The following POLD2 variants were observed in gnomAD, a reference collection of about 807,000 sequenced individuals.
POLD2 encodes DNA polymerase delta subunit 2.
A neutral mutation model predicts 48.8 loss-of-function variants in POLD2; 31 were observed. The ratio of observed to expected loss-of-function variants is 0.64; its 90% confidence interval spans 0.48 to 0.86. POLD2 has a LOEUF of 0.86. Among genes scored for constraint, POLD2 ranks in the 40% least tolerant of loss-of-function variants. The probability of loss-of-function intolerance (pLI) is 0.00; values close to 1 mark genes in which losing one functional copy is unlikely to be tolerated. For synonymous variants in POLD2, 233 were observed against 256.3 expected, an observed-to-expected ratio of 0.91 and a Z score of 0.87; for missense variants, 455 against 610.1, an observed-to-expected ratio of 0.75 and a Z score of 2.68.
rs889223832 is a variant in POLD2, at chr7:44,122,338, G to T, written c.-56-229C>A. 19 of 1,323,784 alleles carry T rather than the reference G, an allele frequency of 1.4e-5. No individual in the cohort carries two copies. The African/African-American group carries it at 2.8e-4, about 20-fold the overall frequency. The allele number at this position is 1,323,784 out of a possible 1,614,324, so 82.0% of individuals were successfully genotyped here. ...AAGCTAGGAGTGTTTGTCCCATCTG[G>T]AGTTCTTCCCGAACCCTAGACTCAG... On this transcript the variant is annotated intron_variant, in intron 1 of 10. Coordinates refer to ENST00000610533, the MANE Select transcript of POLD2 (RefSeq NM_006230.4).
In POLD2 at chr7:44,117,727, G is replaced by A; in HGVS notation, c.358C>T (p.Gln120Ter). ...EVSEEHNLLP[Q>*]PPRSKYIHPD... ...TGTATGTATTTACTCCGAGGAGGCTGGGGGAGCAGGTTGTGCTGGAATGCA... is the reference window on the plus strand; with the variant it reads ...TGTATGTATTTACTCCGAGGAGGCTAGGGGAGCAGGTTGTGCTGGAATGCA... Residue 120 changes from glutamine to a stop codon, truncating the protein, a stop_gained, in exon 4 of 11, where the codon CAG becomes TAG. Transcript: ENST00000610533. LOFTEE classifies it high-confidence loss of function. The A allele has an allele frequency of 1.2e-6, 2 of 1,613,666 alleles. No homozygotes were observed. Among genetic ancestry groups the A allele is most frequent in the South Asian group, 1.1e-5 (1 of 90,934 alleles).
Position 44,116,198 on chromosome 7 carries a change from G to C in POLD2, c.936C>G (p.His312Gln), listed in dbSNP as rs748742926. The part of the protein sequence containing the change: ...TNYTLPQQPL[H>Q]PCMFPLATAY... ...CAGTGGCCAGCGGGAACATGCAGGG[G>C]TGGAGGGGCTGCTGGGGGAGCGTGT... is the stretch of plus-strand genomic sequence containing the variant. Residue 312 changes from histidine to glutamine, a missense_variant, in exon 8 of 11, where the codon CAC (histidine) becomes CAG (glutamine). By Grantham distance (24) the His-to-Gln change is conservative. Transcript: ENST00000610533. This position sits in a 1 kb window ranked among gnomAD's most constrained non-coding sequence, Gnocchi z 6.1. The C allele has an allele frequency of 6.2e-7, 1 of 1,614,014 alleles. No individual in the cohort carries two copies. The highest frequency in any genetic ancestry group is 1.7e-5 in the Admixed American group (1 of 60,024).
chr7:44,123,414 A>C, intron 1 of POLD2, 97 bp downstream of exon 1: 1 of 1,456,632 alleles, frequency 6.9e-7, no homozygotes. Flanking sequence ...CAGCTGCGGG[A>C]CGTCCGCCAA....
Position 44,114,849 on chromosome 7 carries a change from G to A in POLD2, c.1346C>T (p.Pro449Leu). The A allele has an allele frequency of 1.9e-6, 3 of 1,614,016 alleles. No individual in the cohort carries two copies. The highest frequency in any genetic ancestry group is 2.5e-6 in the Non-Finnish European group (3 of 1,179,906). ...TGCCCCGAAGCCCGAGAAGCTGATG[G>A]GCTGGCAGGCCAGGCTGCGCAGGTT... ...LVNLRSLACQ[P>L]ISFSGFGAED... is the part of the protein sequence containing the mutation. Residue 449 changes from proline (P) to leucine (L), a missense_variant, in exon 11 of 11, where the codon CCC becomes CTC. Physicochemically the swap from Pro to Leu is moderately conservative, Grantham distance 98 (BLOSUM62 -3). This residue lies in a region of POLD2 where 98 missense variants were observed against 138.6 expected (regional missense o/e 0.71). Transcript: ENST00000610533.
chr7:44,117,432 C>T, intron 4 of POLD2, 185 bp from the exon 5 acceptor site: 1 of 774,408 alleles, frequency 1.3e-6, no homozygotes, highest in East Asian at 2.7e-5. Context: ...AGACCCATCT[C>T]CCAGCCAGGT....
chr7:44,120,594 G>C (rs1249991741), intron 2 of POLD2, among the ~76,000 whole-genome samples: 1 of 152,210 alleles, frequency 6.6e-6, no homozygotes, highest in African/African-American at 2.4e-5. Flanking sequence ...GTTGACGGAG[G>C]GACCTGGTGG....
intron 1 of POLD2, 44 bp from the exon 2 acceptor site, chr7:44,122,153 C>A (rs1217959471): frequency 2.0e-6 from 3 of 1,500,718 alleles, no homozygotes; most frequent in South Asian, 1.3e-5. Context: ...GTCCATCCCC[C>A]AAAGCAGCAG....
intron 1 of POLD2, 172 bp downstream of exon 1, chr7:44,123,339 T>TG: frequency 3.6e-6 from 5 of 1,375,220 alleles, no homozygotes; most frequent in Non-Finnish European, 4.7e-6. Flanking sequence ...CTACTCGGGA[T>TG]GGGGCCGAGA....
In POLD2 at chr7:44,116,710, C is replaced by A; in HGVS notation, c.780+107G>T. The A allele has an allele frequency of 7.8e-7, 1 of 1,274,820 alleles. No individual in the cohort carries two copies. Among genetic ancestry groups the A allele is most frequent in the South Asian group, 1.3e-5 (1 of 77,000 alleles). 79.0% of individuals were successfully genotyped at this position (1,274,820 alleles called of 1,614,324 possible). On this transcript the variant is annotated intron_variant, in intron 6 of 10. Transcript: ENST00000610533. This position sits in a 1 kb window ranked among gnomAD's most constrained non-coding sequence, Gnocchi z 6.1. ...AGAGTCACTGCAGGGCGCTTCCCACCGACCTGCGAGACCTCACAGGGTACC... is the reference window on the plus strand; with the variant it reads ...AGAGTCACTGCAGGGCGCTTCCCACAGACCTGCGAGACCTCACAGGGTACC...
intron 2 of POLD2, 115 bp from the exon 3 acceptor site, chr7:44,118,179 A>G: frequency 1.6e-6 from 2 of 1,224,830 alleles, no homozygotes; most frequent in South Asian, 1.5e-5. Context: ...TGGCCTTGCC[A>G]GGAGAGAACA....
upstream of POLD2, chr7:44,123,705 GC>G (rs2096251605): frequency 7.4e-6 from 10 of 1,350,672 alleles, no homozygotes; most frequent in African/African-American, 6.2e-5. Flanking sequence ...AGAACGCGGA[GC>G]CACACCCTCG....
intron 1 of POLD2, chr7:44,122,419 A>G (rs897998669): frequency 1.8e-6 from 2 of 1,101,316 alleles, no homozygotes. Context: ...AGTTTGCCCC[A>G]AATGGAATTC....
chr7:44,123,692 C>G (rs949491396), upstream of POLD2: 3 of 1,353,180 alleles, frequency 2.2e-6, no homozygotes, highest in East Asian at 6.3e-5. Context: ...CTGGGACGCC[C>G]AGAGAACGCG....
In POLD2 at chr7:44,117,529, C is replaced by T. The variant is rs141432624; in HGVS notation, c.466+90G>A. The stretch of plus-strand genomic sequence containing the variant: ...TGTGCCCAGGCCACACCCCCCCACT[C>T]CCCCCAGGCTCCCCACTCACACCAT... On this transcript the variant is annotated intron_variant, in intron 4 of 10. Transcript: ENST00000610533. The T allele has an allele frequency of 2.1e-3, 3,111 of 1,466,314 alleles. 5 individuals are homozygous for T. Among genetic ancestry groups the T allele is most frequent in the Non-Finnish European group, 2.7e-3 (2,875 of 1,077,608 alleles). The allele number at this position is 1,466,314 out of a possible 1,614,324, so 90.8% of individuals were successfully genotyped here. A position where few individuals can be genotyped will look rare whatever the true frequency, so the allele number is the denominator to read the frequency against.
rs749047376 is a variant in POLD2, at chr7:44,114,758, CTCTCTGG to C, written c.*20_*26del. 8 of 1,589,314 alleles carry C rather than the reference CTCTCTGG, an allele frequency of 5.0e-6. No homozygotes were observed. In the Admixed American group the frequency reaches 1.2e-4, roughly 24 times the overall value. ...GGGAATGAACAGCCTCCATCTGGGC[CTCTCTGG>C]TCAAAACCACTTTTTTGAGTCAGGG... On this transcript the variant is annotated 3_prime_UTR_variant, in exon 11 of 11. Transcript: ENST00000610533.
upstream of POLD2, chr7:44,123,758 C>A: frequency 7.6e-7 from 1 of 1,310,330 alleles, no homozygotes; most frequent in South Asian, 1.9e-5. Context: ...AGGCCGGCGC[C>A]GCGGGTCTTT....
At chr7:44,118,770 C>T (rs370729946) in intron 2 of POLD2, among the ~76,000 whole-genome samples, 2 of 152,012 alleles carry the variant, frequency 1.3e-5, no homozygotes, top group East Asian at 1.9e-4. Flanking sequence ...CTGCCCGCCT[C>T]GGCCTCCCAA....
Position 44,123,498 on chromosome 7 carries a change from G to T in POLD2, c.-57+13C>A. Reference sequence around the variant, plus strand: ...CACCCCCAGCTGACCCCGTTTCCCTGGACCCCACTCACCGCGCGGCGCGCC... The same window carrying T: ...CACCCCCAGCTGACCCCGTTTCCCTTGACCCCACTCACCGCGCGGCGCGCC... On this transcript the variant is annotated intron_variant, in intron 1 of 10. Coordinates refer to ENST00000610533, the MANE Select transcript of POLD2 (RefSeq NM_006230.4). 2 of 1,491,800 alleles carry T rather than the reference G, an allele frequency of 1.3e-6. No individual in the cohort carries two copies. Among genetic ancestry groups the T allele is most frequent in the Non-Finnish European group, 1.8e-6 (2 of 1,128,498 alleles). The allele number at this position is 1,491,800 out of a possible 1,614,324, so 92.4% of individuals were successfully genotyped here. A position where few individuals can be genotyped will look rare whatever the true frequency, so the allele number is the denominator to read the frequency against.
Position 44,115,777 on chromosome 7 carries a change from G to A in POLD2, c.1136C>T (p.Pro379Leu), listed in dbSNP as rs1488064681. 5.6e-6 allele frequency: 9 copies of A among 1,613,672 alleles called. No homozygotes were observed. The highest frequency in any genetic ancestry group is 7.6e-6 in the Non-Finnish European group (9 of 1,179,990). The change falls in exon 9 of 11, where the codon CCT becomes CTT. Residue 379 changes from proline to leucine, a missense_variant. Pro to Leu is a moderately conservative substitution (Grantham distance 98). This residue lies in a region of POLD2 where 98 missense variants were observed against 138.6 expected (regional missense o/e 0.71). Transcript: ENST00000610533. ...GCTGAGCCTGTTACCTAGAGTGTCA[G>A]GGGCTGTGGGGCTGATGTGACGGAC... ...LRVRHISPTA[P>L]DTLGCYPFYK...
Sources: allele counts gnomAD v4.1 joint callset (sites outside exome capture counted in the v4.1 genomes callset), GRCh38; gene constraint gnomAD v4.1.1; regional missense constraint gnomAD v4.1.1; non-coding constraint Gnocchi (gnomAD v3.1); transcripts MANE v1.5; gene names NCBI Gene and HGNC (gene_info 2026-07-23, HGNC 2026-07-21).